The following KCNIP4 variants were observed in gnomAD, a reference collection of about 807,000 sequenced individuals.
KCNIP4 encodes the protein Kv channel-interacting protein 4.
In KCNIP4, 12 loss-of-function variants were observed where a neutral mutation model predicts 34.0. The ratio of observed to expected loss-of-function variants is 0.35; its 90% CI spans 0.23 to 0.57. KCNIP4 has a LOEUF of 0.57. Among genes scored for constraint, KCNIP4 ranks in the 20% least tolerant of loss-of-function variants. The pLI, the probability that KCNIP4 is intolerant of heterozygous loss-of-function variation, is 0.83. For missense variants in KCNIP4, 238 were observed against 311.7 expected (o/e 0.76, Z 1.78); for synonymous variants, 124 against 102.2 (o/e 1.21, Z -1.29).
rs1714032681 is a variant in KCNIP4, at chr4:21,714,785, G to GATTATCTATTTT, written c.61+233785_61+233786insAAAATAGATAAT. 6.9e-5 allele frequency among the ~76,000 whole-genome samples: 3 copies of GATTATCTATTTT among 43,388 alleles called. 1 individual carries two copies. Among genetic ancestry groups the GATTATCTATTTT allele is most frequent in the Non-Finnish European group, 1.1e-4 (3 of 28,002 alleles). The allele number at this position is 43,388 out of a possible 152,430, so 28.5% of individuals were successfully genotyped here. On this transcript the variant is annotated intron_variant, in intron 1 of 8. Transcript: ENST00000382152. ...AAGAATGTGTTAGTAATTTCCCTTT[G>GATTATCTATTTT]ATTATTTTATTTTATTTTATTTTAT... is the stretch of plus-strand genomic sequence containing the variant.
At chr4:21,635,592 C>T (rs1432810729) in intron 1 of KCNIP4, among the ~76,000 whole-genome samples, 1 of 152,050 alleles carries the variant, frequency 6.6e-6, no homozygotes, top group Non-Finnish European at 1.5e-5. Context: ...CAATGAGATA[C>T]CACCTCACAC....
chr4:21,806,526 T>A (rs1013986988), intron 1 of KCNIP4, among the ~76,000 whole-genome samples: 3 of 152,176 alleles, frequency 2.0e-5, no homozygotes, highest in Admixed American at 2.0e-4. Context: ...AAGAGGGAGA[T>A]GACTGATTAA....
intron 1 of KCNIP4, among the ~76,000 whole-genome samples, chr4:21,337,941 A>G (rs1716338702): frequency 6.6e-6 from 1 of 152,124 alleles, no homozygotes; most frequent in Admixed American, 6.6e-5. Flanking sequence ...TTCTTATATC[A>G]TAGGAAGTCA....
At chr4:21,320,964 T>TAAAAAAAAACAAAAAAAAAAAAA in intron 1 of KCNIP4, among the ~76,000 whole-genome samples, 1 of 102,918 alleles carries the variant, frequency 9.7e-6, no homozygotes, top group Non-Finnish European at 1.9e-5. Context: ...GAATCTGTCT[T>TAAAAAAAAACAAAAAAAAAAAAA]AAAAAAAAAA....
At chr4:21,381,768 G>T (rs17462464) in intron 1 of KCNIP4, among the ~76,000 whole-genome samples, 2 of 152,030 alleles carry the variant, frequency 1.3e-5, no homozygotes, top group Non-Finnish European at 2.9e-5. Flanking sequence ...ATAAATTAAT[G>T]TTTCTACGAC....
In KCNIP4 at chr4:21,648,159, C is replaced by T. The variant is rs1177483706; in HGVS notation, c.61+300412G>A. Among the ~76,000 whole-genome samples, 5 of 152,030 alleles carry T rather than the reference C, an allele frequency of 3.3e-5. No homozygotes were observed. The East Asian group carries it at 7.8e-4, about 24-fold the overall frequency. ...AAGTGCTGGGATTACAGGTGTGAGC[C>T]ACCGCGCCTGGCCTACAATGATACT... On this transcript the variant is annotated intron_variant, in intron 1 of 8. Coordinates refer to ENST00000382152, the MANE Select transcript of KCNIP4 (RefSeq NM_025221.6).
intron 1 of KCNIP4, among the ~76,000 whole-genome samples, chr4:21,754,490 G>A (rs187186409): frequency 6.6e-6 from 1 of 152,108 alleles, no homozygotes; most frequent in Non-Finnish European, 1.5e-5. Context: ...ATAAGCAATA[G>A]GTATGACCAT....
chr4:21,712,384 C>T (rs148711543), intron 1 of KCNIP4, among the ~76,000 whole-genome samples: 89 of 152,308 alleles, frequency 5.8e-4, no homozygotes, highest in African/African-American at 2.1e-3. Flanking sequence ...TCCTCGTGTG[C>T]TAGTGAAACA....
chr4:21,574,550 G>A (rs538270144), intron 1 of KCNIP4, among the ~76,000 whole-genome samples: 3 of 152,004 alleles, frequency 2.0e-5, no homozygotes, highest in South Asian at 2.1e-4. Context: ...ATTTAAATGG[G>A]GTGATAAATA....
At chr4:21,624,451 T>C (rs1190302000) in intron 1 of KCNIP4, among the ~76,000 whole-genome samples, 4 of 152,198 alleles carry the variant, frequency 2.6e-5, no homozygotes, top group Non-Finnish European at 4.4e-5. Context: ...CCTTCGACCT[T>C]GATTCTTAAC....
At chr4:20,805,869 G>T (rs1260855676) in intron 3 of KCNIP4, among the ~76,000 whole-genome samples, 3 of 152,044 alleles carry the variant, frequency 2.0e-5, no homozygotes, top group Admixed American at 6.6e-5. Context: ...TTGGCTGGCT[G>T]CTCAAAAGAA....
At chr4:21,137,878 GT>G (rs71189685) in intron 1 of KCNIP4, among the ~76,000 whole-genome samples, 14,171 of 133,804 alleles carry the variant, frequency 0.11, 887 homozygotes, top group East Asian at 0.21. Context: ...AGGCTTTTTT[GT>G]TTTTTTTTTT....
intron 1 of KCNIP4, among the ~76,000 whole-genome samples, chr4:21,720,706 G>T (rs1406962126): frequency 9.3e-6 from 1 of 107,058 alleles, no homozygotes; most frequent in Non-Finnish European, 1.7e-5. Context: ...ACAGGCCCCA[G>T]TGTGTGATGG....
rs373048146 is a variant in KCNIP4, at chr4:20,949,622, T to C, written c.62-66913A>G. 5.2e-3 allele frequency among the ~76,000 whole-genome samples: 791 copies of C among 151,926 alleles called. 9 individuals are homozygous for C. The highest frequency in any genetic ancestry group is 0.018 in the African/African-American group (742 of 41,384). On this transcript the variant is annotated intron_variant, in intron 1 of 8. Coordinates refer to ENST00000382152, the MANE Select transcript of KCNIP4 (RefSeq NM_025221.6). ...TGGAACCAACCCAAATGTCCAACAATGATAGACTGGATTAAGAAAATGTGG... is the reference window on the plus strand; with the variant it reads ...TGGAACCAACCCAAATGTCCAACAACGATAGACTGGATTAAGAAAATGTGG...
At chr4:21,558,229 C>T (rs940106951) in intron 1 of KCNIP4, among the ~76,000 whole-genome samples, 3 of 152,080 alleles carry the variant, frequency 2.0e-5, no homozygotes, top group African/African-American at 4.8e-5. Flanking sequence ...CAGTGGCTCA[C>T]GCCTGTAATC....
chr4:21,226,601 A>G (rs930228478), intron 1 of KCNIP4, among the ~76,000 whole-genome samples: 2 of 150,382 alleles, frequency 1.3e-5, no homozygotes, highest in Non-Finnish European at 3.0e-5. Flanking sequence ...TTTAAGCACA[A>G]TGAAATGCTA....
At chr4:20,913,548 C>T (rs61419879) in intron 1 of KCNIP4, among the ~76,000 whole-genome samples, 3,637 of 152,206 alleles carry the variant, frequency 0.024, 129 homozygotes, top group African/African-American at 0.075. Flanking sequence ...TGAATTATAT[C>T]TCAATTTAAA....
At chr4:20,866,866 G>A (rs936999415) in intron 2 of KCNIP4, among the ~76,000 whole-genome samples, 1 of 151,884 alleles carries the variant, frequency 6.6e-6, no homozygotes, top group African/African-American at 2.4e-5. Context: ...CACCAACAAC[G>A]TCCAGGCTGA....
intron 1 of KCNIP4, among the ~76,000 whole-genome samples, chr4:21,220,601 C>A (rs952647793): frequency 4.6e-5 from 7 of 151,668 alleles, no homozygotes; most frequent in Non-Finnish European, 8.8e-5. Context: ...TCTTTTTTTA[C>A]AGTTGATAGG....
Sources: allele counts gnomAD v4.1 joint callset (sites outside exome capture counted in the v4.1 genomes callset), GRCh38; gene constraint gnomAD v4.1.1; transcripts MANE v1.5; gene names NCBI Gene and HGNC (gene_info 2026-07-23, HGNC 2026-07-21).